Variants in BBS12 observed in about 807,000 individuals in gnomAD.
BBS12 encodes chaperonin-containing T-complex member BBS12.
BBS12 carries 5 observed loss-of-function variants against 5.6 expected under a neutral mutation model. That is an observed-to-expected ratio of 0.89 (90% CI 0.46 to 1.86). The LOEUF (loss-of-function observed/expected upper bound fraction) is 1.86. BBS12 is among the 40% of genes most tolerant of loss of function. BBS12 has a pLI of 0.01. For synonymous variants in BBS12, 308 were observed against 306.8 expected (o/e 1.00, Z -0.04); for missense variants, 748 against 830.4 (o/e 0.90, Z 1.22).
chr4:122,743,406 C>A lies in BBS12; in HGVS notation c.1514C>A (p.Thr505Asn), dbSNP rs956879119. Residue 505 changes from threonine (T) to asparagine (N), a missense_variant, in exon 2 of 2, where the codon ACT (threonine) becomes AAT (asparagine). Physicochemically the swap from Thr to Asn is moderately conservative, Grantham distance 65. Transcript: ENST00000314218. The stretch of plus-strand genomic sequence containing the variant: ...ATTAATTTGGTTACGGCCGTGCTCA[C>A]TAACCCAGTTACTGCACAGATGCAA... ...EGINLVTAVL[T>N]NPVTAQMQIK... is the part of the protein sequence containing the mutation. 6.2e-7 allele frequency: 1 copy of A among 1,614,100 alleles called. No individual in the cohort carries two copies. Among genetic ancestry groups the A allele is most frequent in the Admixed American group, 1.7e-5 (1 of 60,008 alleles).
the BBS12 span, among the ~76,000 whole-genome samples, chr4:122,716,622 CATACACATATGTATAT>C: frequency 1.2e-5 from 1 of 80,098 alleles, no homozygotes; most frequent in African/African-American, 7.2e-5. Context: ...TGTATATGCA[CATACACATATGTATAT>C]ACACACGTGT....
rs957653051 is a variant in BBS12, at chr4:122,741,968, G to A, written c.76G>A (p.Gly26Arg). The A allele has an allele frequency of 6.2e-7, 1 of 1,613,630 alleles. No homozygotes were observed. The highest frequency in any genetic ancestry group is 8.5e-7 in the Non-Finnish European group (1 of 1,179,844). The change falls in exon 2 of 2, where the codon GGA becomes AGA. Residue 26 changes from glycine to arginine, a missense_variant. Coordinates refer to ENST00000314218, the MANE Select transcript of BBS12 (RefSeq NM_152618.3). ...LQQLSSFAET[G>R]RTFLGPLKSS... The stretch of plus-strand genomic sequence containing the variant: ...ACAACTTTCATCATTCGCGGAAACA[G>A]GAAGAACTTTCCTAGGCCCACTAAA...
the BBS12 span, among the ~76,000 whole-genome samples, chr4:122,727,175 T>A: frequency 6.6e-6 from 1 of 152,236 alleles, no homozygotes; most frequent in African/African-American, 2.4e-5. Flanking sequence ...GTACAATGCA[T>A]GCAACATATA....
chr4:122,741,908 A>C lies in BBS12; in HGVS notation c.16A>C (p.Arg6=). Residue 6 remains arginine, a synonymous_variant, in exon 2 of 2, where the codon AGA becomes CGA. Coordinates refer to ENST00000314218, the MANE Select transcript of BBS12 (RefSeq NM_152618.3). ...ATCATGATACATGGTGATGGCTTGC[A>C]GAGTCGTAAACAAAAGAAGACACAT... MVMAC[R]VVNKRRHMGL... 1 of 1,614,150 alleles carries C rather than the reference A, an allele frequency of 6.2e-7. No individual in the cohort carries two copies. The highest frequency in any genetic ancestry group is 8.5e-7 in the Non-Finnish European group (1 of 1,180,018).
At chr4:122,727,616 C>T in the BBS12 span, among the ~76,000 whole-genome samples, 44 of 133,274 alleles carry the variant, frequency 3.3e-4, no homozygotes, top group Non-Finnish European at 5.8e-4. Context: ...TGCAATGATG[C>T]GATCTCTGCT....
the BBS12 span, among the ~76,000 whole-genome samples, chr4:122,700,517 G>A: frequency 5.3e-5 from 8 of 152,228 alleles, no homozygotes; most frequent in Non-Finnish European, 1.0e-4. Flanking sequence ...TGGGCCTTGA[G>A]GGAACAGCTC....
the BBS12 span, among the ~76,000 whole-genome samples, chr4:122,705,528 G>T: frequency 6.6e-6 from 1 of 152,184 alleles, no homozygotes; most frequent in Non-Finnish European, 1.5e-5. Context: ...AGTTAAAACA[G>T]AAAAAAATGC....
At chr4:122,707,464 A>G in the BBS12 span, among the ~76,000 whole-genome samples, 3 of 152,210 alleles carry the variant, frequency 2.0e-5, no homozygotes, top group Non-Finnish European at 4.4e-5. Context: ...CATCTTACAT[A>G]TAGTTCAAAT....
rs1271956606 is a variant in BBS12 at position 122,744,055 on chromosome 4, T to A, written c.*30T>A. The A allele has an allele frequency of 1.9e-6, 3 of 1,585,682 alleles. No homozygotes were observed. Among genetic ancestry groups the A allele is most frequent in the Non-Finnish European group, 2.6e-6 (3 of 1,154,762 alleles). On this transcript the variant is annotated 3_prime_UTR_variant, in exon 2 of 2. Transcript: ENST00000314218. ...ACTGGCTAAGTCTTTGGAAAATAAT[T>A]TTTCATAATATGTCATGCTAATAAT...
At chr4:122,727,781 G>A (rs1337578425), upstream of BBS12, among the ~76,000 whole-genome samples, 1 of 151,566 alleles carries the variant, frequency 6.6e-6, no homozygotes, top group South Asian at 2.1e-4. Flanking sequence ...CTCGAACTCT[G>A]ATCTGCCTCC....
Position 122,743,715 on chromosome 4 carries a change from A to G in BBS12, c.1823A>G (p.Asn608Ser), listed in dbSNP as rs184225705. ...TCAACTCTCCTATATAACACTGCCA[A>G]TTACTCATCAGAATTTGAAGCCAGC... ...YLSTLLYNTANYSSEFEASTY... is the reference protein window; with the variant it reads ...YLSTLLYNTASYSSEFEASTY... Residue 608 changes from asparagine (N) to serine (S), a missense_variant, in exon 2 of 2, where the codon AAT becomes AGT. Asn to Ser is a conservative substitution (Grantham distance 46, BLOSUM62 1). Coordinates refer to ENST00000314218, the MANE Select transcript of BBS12 (RefSeq NM_152618.3). 44 of 1,614,218 alleles carry G rather than the reference A, an allele frequency of 2.7e-5. No homozygotes were observed. In the East Asian group the frequency reaches 9.4e-4, roughly 34 times the overall value.
intron 1 of BBS12, among the ~76,000 whole-genome samples, chr4:122,737,042 T>C (rs979516351): frequency 6.6e-6 from 1 of 152,228 alleles, no homozygotes; most frequent in Non-Finnish European, 1.5e-5. Flanking sequence ...CTTTTGTATC[T>C]AGGAAACTTT....
the BBS12 span, among the ~76,000 whole-genome samples, chr4:122,706,882 A>G: frequency 1.3e-5 from 2 of 152,188 alleles, no homozygotes; most frequent in African/African-American, 4.8e-5. Flanking sequence ...TTCAGTTCAG[A>G]GCTCAGAGAT....
the BBS12 span, among the ~76,000 whole-genome samples, chr4:122,718,332 C>T: frequency 6.6e-6 from 1 of 152,148 alleles, no homozygotes; most frequent in Admixed American, 6.5e-5. Context: ...GCAGTCTCTC[C>T]CATTCATCTA....
In BBS12 at chr4:122,743,273, A is replaced by C. The variant is rs10027479; in HGVS notation, c.1381A>C (p.Asn461His). 6,825 of 1,614,222 alleles carry C rather than the reference A, an allele frequency of 4.2e-3. 255 individuals are homozygous for C. In the African/African-American group the frequency reaches 0.081, roughly 19 times the overall value. ...ACAGGTGGCCTACATTACACAAGTGAATGAAGATTGTGTGGGCGACGGGGT... is the reference window on the plus strand; with the variant it reads ...ACAGGTGGCCTACATTACACAAGTGCATGAAGATTGTGTGGGCGACGGGGT... ...AVQVAYITQVNEDCVGDGVCV... is the reference protein window; with the variant it reads ...AVQVAYITQVHEDCVGDGVCV... The change falls in exon 2 of 2, where the codon AAT (asparagine) becomes CAT (histidine). Residue 461 changes from asparagine (N) to histidine (H), a missense_variant. Coordinates refer to ENST00000314218, the MANE Select transcript of BBS12 (RefSeq NM_152618.3).
chr4:122,732,438 C>A (rs1325871774), upstream of BBS12: 1 of 152,380 alleles, frequency 6.6e-6, no homozygotes, highest in Non-Finnish European at 1.5e-5. Context: ...AGCCGGCAGC[C>A]GGCGCTCTCA....
intron 1 of BBS12, among the ~76,000 whole-genome samples, chr4:122,733,557 T>C (rs532314684): frequency 6.6e-6 from 1 of 152,294 alleles, no homozygotes; most frequent in Admixed American, 6.5e-5. Flanking sequence ...ATTTAGATAC[T>C]TGTGAAACTT....
chr4:122,740,495 C>T (rs778609085), intron 1 of BBS12, among the ~76,000 whole-genome samples: 9 of 152,118 alleles, frequency 5.9e-5, no homozygotes, highest in Non-Finnish European at 1.0e-4. Flanking sequence ...GCACTGCTCA[C>T]GATGGATTTT....
At position 122,735,951 on chromosome 4, in the gene BBS12, T is replaced by C. The variant is rs572746409; in HGVS notation, c.-11+3067T>C. On this transcript the variant is annotated intron_variant, in intron 1 of 1. Transcript: ENST00000314218. ...TATAGAGTGCTCAGGGTAGGCCTCATTGAAAAGCAGAAAATTTGAGAAAAT... is the reference window on the plus strand; with the variant it reads ...TATAGAGTGCTCAGGGTAGGCCTCACTGAAAAGCAGAAAATTTGAGAAAAT... 2.6e-5 allele frequency among the ~76,000 whole-genome samples: 4 copies of C among 152,150 alleles called. No homozygotes were observed. In the South Asian group the frequency reaches 6.2e-4, roughly 24 times the overall value.
Sources: gnomAD v4.1 joint callset for allele counts (sites outside exome capture counted in the v4.1 genomes callset) on GRCh38, gnomAD v4.1.1 for gene constraint, MANE v1.5 for transcripts, NCBI Gene and HGNC (gene_info 2026-07-23, HGNC 2026-07-21) for gene names.